Variants in NR6A1 observed in about 807,000 individuals in gnomAD.
The protein encoded by NR6A1 is retinoic acid receptor-related testis-associated receptor.
In NR6A1, 7 loss-of-function variants were observed where a neutral mutation model predicts 59.1. The observed-to-expected ratio is 0.12, with a 90% CI of 0.07 to 0.22. The LOEUF (loss-of-function observed/expected upper bound fraction) is 0.22. Ranked by LOEUF, NR6A1 falls within the 10% of genes least tolerant of loss-of-function variation. The pLI, the probability that NR6A1 is intolerant of heterozygous loss-of-function variation, is 1.00. For missense variants in NR6A1, 468 were observed against 611.6 expected, an observed-to-expected ratio of 0.77 and a Z score of 2.48; for synonymous variants, 243 against 236.1, an observed-to-expected ratio of 1.03 and a Z score of -0.27.
intron 2 of NR6A1, among the ~76,000 whole-genome samples, chr9:124,566,668 AGAG>A (rs945826803): frequency 1.3e-5 from 2 of 152,236 alleles, no homozygotes; most frequent in African/African-American, 4.8e-5. Flanking sequence ...ACTGGACCAC[AGAG>A]GAGAGATGAA....
At chr9:124,577,039 G>C (rs1834621273) in intron 2 of NR6A1, among the ~76,000 whole-genome samples, 1 of 152,192 alleles carries the variant, frequency 6.6e-6, no homozygotes, top group Admixed American at 6.5e-5. Context: ...CTGGGGAACA[G>C]AGCGAGACCT....
intron 2 of NR6A1, among the ~76,000 whole-genome samples, chr9:124,730,092 C>A (rs1343837371): frequency 1.3e-5 from 2 of 152,154 alleles, no homozygotes; most frequent in East Asian, 1.9e-4. Flanking sequence ...GGATTACAGG[C>A]GTGAGCCACC....
intron 2 of NR6A1, among the ~76,000 whole-genome samples, chr9:124,582,859 C>G (rs186667506): frequency 6.6e-6 from 1 of 152,176 alleles, no homozygotes; most frequent in Non-Finnish European, 1.5e-5. Flanking sequence ...TGCAAAAGAA[C>G]AAGACCCCAT....
chr9:124,668,534 A>C (rs2130960985), intron 2 of NR6A1, among the ~76,000 whole-genome samples: 1 of 152,348 alleles, frequency 6.6e-6, no homozygotes, highest in African/African-American at 2.4e-5. Context: ...GAAAAACATA[A>C]AAAGGAAAAT....
intron 2 of NR6A1, among the ~76,000 whole-genome samples, chr9:124,691,804 T>C (rs1010140464): frequency 6.6e-6 from 1 of 152,202 alleles, no homozygotes; most frequent in Non-Finnish European, 1.5e-5. Flanking sequence ...TCATCAATCA[T>C]GGAGGTCGAG....
rs568007603 is a variant in NR6A1, at chr9:124,563,274, C to T, written c.143-8704G>A. On this transcript the variant is annotated intron_variant, in intron 2 of 9. Coordinates refer to ENST00000487099, the MANE Select transcript of NR6A1 (RefSeq NM_033334.4). ...TATGTACCGAGAAAGGGTAAAATTC[C>T]GTGAAACTTCAGTTTCAATTAAAGT... Among the ~76,000 whole-genome samples the T allele has an allele frequency of 6.1e-4, 92 of 152,058 alleles. 1 individual carries two copies. In the South Asian group the frequency reaches 0.018, roughly 30 times the overall value.
At chr9:124,609,113 T>G (rs943995451) in intron 2 of NR6A1, among the ~76,000 whole-genome samples, 5 of 152,218 alleles carry the variant, frequency 3.3e-5, no homozygotes, top group Non-Finnish European at 7.3e-5. Context: ...TAGTTTCTAT[T>G]GCTGTCCTAT....
chr9:124,662,179 G>A (rs1837459966), intron 2 of NR6A1, among the ~76,000 whole-genome samples: 1 of 152,128 alleles, frequency 6.6e-6, no homozygotes, highest in African/African-American at 2.4e-5. Context: ...AGTACTGGAA[G>A]ACAGGTAGTC....
At chr9:124,737,255 G>A (rs957593088) in intron 1 of NR6A1, among the ~76,000 whole-genome samples, 14 of 152,140 alleles carry the variant, frequency 9.2e-5, no homozygotes, top group Non-Finnish European at 2.1e-4. Context: ...CCTCGACCTA[G>A]TCCTGAGACC....
intron 2 of NR6A1, among the ~76,000 whole-genome samples, chr9:124,687,065 C>T (rs758930560): frequency 6.6e-6 from 1 of 151,702 alleles, no homozygotes; most frequent in Non-Finnish European, 1.5e-5. Flanking sequence ...TGCCCTAGCA[C>T]TAGGCCAATT....
At chr9:124,649,205 G>A (rs1190900809) in intron 2 of NR6A1, among the ~76,000 whole-genome samples, 2 of 116,834 alleles carry the variant, frequency 1.7e-5, no homozygotes, top group African/African-American at 6.9e-5. Flanking sequence ...TACTACCAAA[G>A]CTATAGTAAG....
intron 2 of NR6A1, among the ~76,000 whole-genome samples, chr9:124,648,969 A>G (rs529330618): frequency 7.1e-4 from 108 of 152,246 alleles, no homozygotes; most frequent in African/African-American, 2.2e-3. Context: ...ACAAAAAAGG[A>G]AAGACATCCC....
In NR6A1 at chr9:124,526,868, C is replaced by A; in HGVS notation, c.1112G>T (p.Arg371Leu). The change falls in exon 8 of 10, where the codon CGG becomes CTG. Residue 371 changes from arginine to leucine, a missense_variant. Around this residue, in one of 4 missense-constraint regions of NR6A1, gnomAD observed 176 missense variants for 264.0 expected, o/e 0.67. Coordinates refer to ENST00000487099, the MANE Select transcript of NR6A1 (RefSeq NM_033334.4). ...GAACTTGTGATAGAGGTAGATGAGC[C>A]GCTCGATCACCTCCATCCCTTCATC... ...FSDEGMEVIE[R>L]LIYLYHKFHQ... 1 of 1,614,020 alleles carries A rather than the reference C, an allele frequency of 6.2e-7. No homozygotes were observed.
chr9:124,689,099 G>C lies in NR6A1; in HGVS notation c.142+44209C>G, dbSNP rs552130048. Among the ~76,000 whole-genome samples the C allele has an allele frequency of 1.1e-3, 172 of 152,210 alleles. 1 individual carries two copies. Among genetic ancestry groups the C allele is most frequent in the South Asian group, 4.6e-3 (22 of 4,830 alleles). On this transcript the variant is annotated intron_variant, in intron 2 of 9. Transcript: ENST00000487099. The stretch of plus-strand genomic sequence containing the variant: ...GTCAGAGATTGTTTTAACTATAAAA[G>C]AACAGGTTTTTTATTAGCATATATG...
chr9:124,539,683 A>T (rs1362797093), intron 5 of NR6A1, among the ~76,000 whole-genome samples: 1 of 152,240 alleles, frequency 6.6e-6, no homozygotes, highest in Non-Finnish European at 1.5e-5. Flanking sequence ...GAGAAATTAC[A>T]GTTTAATTCA....
intron 2 of NR6A1, among the ~76,000 whole-genome samples, chr9:124,713,600 CCAAAGAAGACACA>C (rs1334493952): frequency 6.6e-6 from 1 of 152,116 alleles, no homozygotes; most frequent in Non-Finnish European, 1.5e-5. Flanking sequence ...AAACATTTCT[CCAAAGAAGACACA>C]CAAATGGTCA....
intron 2 of NR6A1, among the ~76,000 whole-genome samples, chr9:124,630,638 T>C (rs1442073493): frequency 1.3e-5 from 2 of 150,026 alleles, no homozygotes; most frequent in Non-Finnish European, 3.0e-5. Flanking sequence ...TACTATTTTA[T>C]ACTTTTGACC....
chr9:124,522,336 T>C lies in NR6A1; in HGVS notation c.*369A>G, dbSNP rs574175709. On this transcript the variant is annotated 3_prime_UTR_variant, in exon 10 of 10. Coordinates refer to ENST00000487099, the MANE Select transcript of NR6A1 (RefSeq NM_033334.4). ...GAGGTAGTCATCTTTGTCAACATTA[T>C]GGAAATAGTCATCTTAGCCCCATCC... 6.3e-6 allele frequency: 1 copy of C among 158,568 alleles called. No individual in the cohort carries two copies. The highest frequency in any genetic ancestry group is 1.9e-4 in the South Asian group (1 of 5,314). The allele number at this position is 158,568 out of a possible 1,614,324, so 9.8% of individuals were successfully genotyped here. A position where few individuals can be genotyped will look rare whatever the true frequency, so the allele number is the denominator to read the frequency against.
intron 2 of NR6A1, among the ~76,000 whole-genome samples, chr9:124,677,070 T>TA (rs927744986): frequency 5.3e-5 from 8 of 151,188 alleles, no homozygotes; most frequent in African/African-American, 1.7e-4. Flanking sequence ...AAGAAAAACA[T>TA]AAAAATTCCA....
Sources: gnomAD v4.1 joint callset for allele counts (sites outside exome capture counted in the v4.1 genomes callset) on GRCh38, gnomAD v4.1.1 for gene constraint, gnomAD v4.1.1 regional missense constraint, MANE v1.5 for transcripts, NCBI Gene and HGNC (gene_info 2026-07-23, HGNC 2026-07-21) for gene names.